SH2D3A: variants seen among roughly 807,000 people sequenced by gnomAD.
The protein encoded by SH2D3A is SH2 domain-containing protein 3A.
SH2D3A carries 46 observed loss-of-function variants against 50.6 expected under a neutral mutation model. The observed-to-expected ratio is 0.91, with a 90% confidence interval of 0.72 to 1.16. SH2D3A has a LOEUF of 1.16. SH2D3A is among the 50% of genes most tolerant of loss of function. SH2D3A has a pLI of 0.00. For missense variants in SH2D3A, 783 were observed against 786.2 expected (o/e 1.00, Z 0.05); for synonymous variants, 377 against 348.4 (o/e 1.08, Z -0.91).
chr19:6,752,636 C>T lies in SH2D3A; in HGVS notation c.1688G>A (p.Arg563His). The T allele has an allele frequency of 6.4e-7, 1 of 1,559,716 alleles. No individual in the cohort carries two copies. ...PRAERFEKFQ[R>H]VLGVLSQRLE... ...GCGCTGCGACAGGACGCCGAGGACG[C>T]GCTGGAACTTCTCAAAGCGTTCAGC... The change falls in exon 10 of 10, where the codon CGC (arginine) becomes CAC (histidine). Residue 563 changes from arginine to histidine, a missense_variant. Arg to His is a conservative substitution (Grantham distance 29). Transcript: ENST00000245908.
Position 6,760,910 on chromosome 19 carries a change from G to T in SH2D3A, c.147C>A (p.Ile49=), listed in dbSNP as rs762593452. The T allele has an allele frequency of 6.2e-7, 1 of 1,614,104 alleles. No individual in the cohort carries two copies. Among genetic ancestry groups the T allele is most frequent in the East Asian group, 2.2e-5 (1 of 44,904 alleles). The change falls in exon 3 of 10, where the codon ATC becomes ATA. Residue 49 remains isoleucine (I), a synonymous_variant. Transcript: ENST00000245908. ...GGGCTGAGCCCCGCCAGCGGCAGGA[G>T]ATCACGGGGTTGCCCCCACGGGACC... The part of the protein sequence containing the change: ...ASGSRGGNPV[I]SCRWRGSALH...
chr19:6,766,938 G>A (rs961739354), intron 1 of SH2D3A, among the ~76,000 whole-genome samples: 1 of 152,152 alleles, frequency 6.6e-6, no homozygotes, highest in Admixed American at 6.6e-5. Context: ...GTAAAGGCCT[G>A]GAGCTGAGAT....
chr19:6,759,894 T>C (rs1969910498), intron 3 of SH2D3A, among the ~76,000 whole-genome samples: 1 of 152,154 alleles, frequency 6.6e-6, no homozygotes, highest in Non-Finnish European at 1.5e-5. Flanking sequence ...CACCCTATGA[T>C]GCACAGGACA....
At chr19:6,758,106 A>G (rs1422801632) in intron 4 of SH2D3A, 1 of 151,938 alleles carries the variant, frequency 6.6e-6, no homozygotes, top group Non-Finnish European at 1.5e-5. Context: ...GATTACAGGC[A>G]TATGCCACTA....
rs986663377 is a variant in SH2D3A, at chr19:6,755,435, A to G, written c.497-120T>C. 7 of 616,324 alleles carry G rather than the reference A, an allele frequency of 1.1e-5. No individual in the cohort carries two copies. The African/African-American group carries it at 1.3e-4, about 11-fold the overall frequency. 38.2% of individuals were successfully genotyped at this position (616,324 alleles called of 1,614,324 possible). On this transcript the variant is annotated intron_variant, in intron 4 of 9. Transcript: ENST00000245908. ...CATCCACTCATTCCAATAATGGGGTATAACAACCTATCCGGGTGCAGTTTT... is the reference window on the plus strand; with the variant it reads ...CATCCACTCATTCCAATAATGGGGTGTAACAACCTATCCGGGTGCAGTTTT...
rs1969353273 is a variant in SH2D3A at position 6,752,184 on chromosome 19, A to G, written c.*409T>C. On this transcript the variant is annotated 3_prime_UTR_variant, in exon 10 of 10. Transcript: ENST00000245908. ...CTTTTACATTTTTTAAAAGTTTTTT[A>G]TTTTTCAGTTTTTGTAGAGATGAGG... 1.2e-5 allele frequency: 2 copies of G among 162,410 alleles called. No individual in the cohort carries two copies. The highest frequency in any genetic ancestry group is 6.5e-5 in the Admixed American group (1 of 15,412). 10.1% of individuals were successfully genotyped at this position (162,410 alleles called of 1,614,324 possible).
intron 4 of SH2D3A, chr19:6,759,238 A>T: frequency 4.8e-6 from 1 of 208,724 alleles, no homozygotes; most frequent in South Asian, 6.5e-5. Flanking sequence ...CGCAGCCTCC[A>T]GAGTAGCTGG....
At chr19:6,756,230 A>G (rs1376992380) in intron 4 of SH2D3A, among the ~76,000 whole-genome samples, 4 of 148,788 alleles carry the variant, frequency 2.7e-5, no homozygotes, top group Non-Finnish European at 5.9e-5. Context: ...ATGTTGCCCT[A>G]TATACTACAT....
At position 6,761,217 on chromosome 19, in the gene SH2D3A, G is replaced by T. The variant is rs889263901; in HGVS notation, c.70-230C>A. On this transcript the variant is annotated intron_variant, in intron 2 of 9. Coordinates refer to ENST00000245908, the MANE Select transcript of SH2D3A (RefSeq NM_005490.3). ...TGCGGCTAGGGTTGTCATGTGATGA[G>T]AACTGGCCAATGGGATGTGGGGTAG... is the stretch of plus-strand genomic sequence containing the variant. 5.5e-6 allele frequency: 3 copies of T among 546,972 alleles called. No individual in the cohort carries two copies. The Admixed American group carries it at 1.0e-4, about 18-fold the overall frequency. The allele number at this position is 546,972 out of a possible 1,614,324, so 33.9% of individuals were successfully genotyped here.
At chr19:6,758,957 A>G (rs1969850860) in intron 4 of SH2D3A, 2 of 152,270 alleles carry the variant, frequency 1.3e-5, no homozygotes, top group Admixed American at 1.3e-4. Context: ...ACTGGTGGAA[A>G]TGTAAAATGC....
rs762205917 is a variant in SH2D3A, at chr19:6,755,190, T to G, written c.622A>C (p.Lys208Gln). Residue 208 changes from lysine (K) to glutamine (Q), a missense_variant, in exon 5 of 10, where the codon AAG becomes CAG. Coordinates refer to ENST00000245908, the MANE Select transcript of SH2D3A (RefSeq NM_005490.3). ...LRASDGQLQA[K>Q]APTKPPRTPS... ...GTCCGGGGGGGCTTCGTTGGTGCCT[T>G]GGCTTGAAGCTGCCCATCGGAGGCC... The G allele has an allele frequency of 6.3e-7, 1 of 1,590,814 alleles. No homozygotes were observed. The highest frequency in any genetic ancestry group is 8.6e-7 in the Non-Finnish European group (1 of 1,166,492).
chr19:6,763,646 C>T, intron 2 of SH2D3A, 34 bp downstream of exon 2: 3 of 1,603,836 alleles, frequency 1.9e-6, no homozygotes, highest in Non-Finnish European at 2.6e-6. Flanking sequence ...AGGCTCCCCA[C>T]CAGATGGTGC....
chr19:6,762,558 T>C (rs1970086509), intron 2 of SH2D3A, among the ~76,000 whole-genome samples: 1 of 142,324 alleles, frequency 7.0e-6, no homozygotes, highest in Non-Finnish European at 1.5e-5. Flanking sequence ...CCAGGCTGAG[T>C]GCAGTGGAGC....
intron 8 of SH2D3A, 92 bp downstream of exon 8, chr19:6,753,960 A>G: frequency 1.4e-6 from 2 of 1,418,564 alleles, no homozygotes. Flanking sequence ...CGGGCCTAGA[A>G]CAGATGCAGG....
At position 6,754,181 on chromosome 19, in the gene SH2D3A, A is replaced by C. The variant is rs867602171; in HGVS notation, c.1273-18T>G. The C allele has an allele frequency of 2.0e-5, 32 of 1,610,638 alleles. 1 individual carries two copies. In the Middle Eastern group the frequency reaches 2.8e-3, roughly 141 times the overall value. ...CGGGACACCTGGGAGAAGAGATCTG[A>C]GCACGCCTCCTCTCCAGTCTTCCCA... On this transcript the variant is annotated intron_variant, in intron 7 of 9. Transcript: ENST00000245908.
Position 6,759,694 on chromosome 19 carries a change from C to A in SH2D3A, c.420-24G>T, listed in dbSNP as rs764120263. Reference sequence around the variant, plus strand: ...CCCTGGGGGACAGAAGTGGGAGAAACCTGTAGTCCCCACCTAAGCAGTGTC... The same window carrying A: ...CCCTGGGGGACAGAAGTGGGAGAAAACTGTAGTCCCCACCTAAGCAGTGTC... On this transcript the variant is annotated intron_variant, in intron 3 of 9. Coordinates refer to ENST00000245908, the MANE Select transcript of SH2D3A (RefSeq NM_005490.3). 1.3e-5 allele frequency: 21 copies of A among 1,610,348 alleles called. No homozygotes were observed. In the Admixed American group the frequency reaches 1.7e-4, roughly 13 times the overall value.
intron 2 of SH2D3A, among the ~76,000 whole-genome samples, chr19:6,761,431 A>G (rs1411433844): frequency 1.3e-5 from 2 of 152,198 alleles, no homozygotes; most frequent in Non-Finnish European, 2.9e-5. Flanking sequence ...GGACTATGAC[A>G]TTAACATGTT....
At chr19:6,756,160 TATATA>T (rs1969661257) in intron 4 of SH2D3A, among the ~76,000 whole-genome samples, 1 of 147,850 alleles carries the variant, frequency 6.8e-6, no homozygotes, top group African/African-American at 2.5e-5. Flanking sequence ...ATTATATAAA[TATATA>T]ATATATATTT....
intron 2 of SH2D3A, chr19:6,761,276 A>G (rs543039938): frequency 4.1e-4 from 149 of 365,684 alleles, no homozygotes; most frequent in African/African-American, 2.8e-3. Flanking sequence ...CCTGGCGCAT[A>G]AAACCCTGCT....
Sources: gnomAD v4.1 joint callset for allele counts (sites outside exome capture counted in the v4.1 genomes callset) on GRCh38, gnomAD v4.1.1 for gene constraint, MANE v1.5 for transcripts, NCBI Gene and HGNC (gene_info 2026-07-23, HGNC 2026-07-21) for gene names.